The following RTN4 variants were observed in gnomAD, a reference collection of about 807,000 sequenced individuals.
The protein encoded by RTN4 is reticulon-4.
RTN4 carries 32 observed loss-of-function variants against 90.4 expected under a neutral mutation model. The ratio of observed to expected loss-of-function variants is 0.35; its 90% CI spans 0.27 to 0.48. The LOEUF (loss-of-function observed/expected upper bound fraction) is 0.48. Among genes scored for constraint, RTN4 ranks in the 20% least tolerant of loss-of-function variants. The probability of loss-of-function intolerance (pLI) is 0.99; values close to 1 mark genes in which losing one functional copy is unlikely to be tolerated. For synonymous variants in RTN4, 629 were observed against 552.5 expected (o/e 1.14, Z -1.94); for missense variants, 1,706 against 1,430.2 (o/e 1.19, Z -3.11).
At chr2:54,986,119 T>C (rs932535553) in intron 4 of RTN4, among the ~76,000 whole-genome samples, 15 of 152,100 alleles carry the variant, frequency 9.9e-5, no homozygotes, top group Non-Finnish European at 1.8e-4. Context: ...TACAAAACTC[T>C]GGAAGGGGTA....
intron 3 of RTN4, chr2:55,010,061 A>C: frequency 6.2e-7 from 1 of 1,611,108 alleles, no homozygotes; most frequent in South Asian, 1.1e-5. Context: ...ATAAAAACTG[A>C]ATAAGAAATT....
At chr2:55,109,694 G>T (rs1475615552) in intron 1 of RTN4, among the ~76,000 whole-genome samples, 1 of 152,194 alleles carries the variant, frequency 6.6e-6, no homozygotes, top group African/African-American at 2.4e-5. Context: ...TATGTTCCAT[G>T]TTAGGGGTTT....
At chr2:55,091,895 C>T (rs540398028) in intron 1 of RTN4, among the ~76,000 whole-genome samples, 4 of 152,236 alleles carry the variant, frequency 2.6e-5, no homozygotes, top group East Asian at 1.9e-4. Flanking sequence ...CATCAGCTCT[C>T]GTGAGACTTA....
chr2:55,097,699 G>A (rs1025206886), intron 1 of RTN4, among the ~76,000 whole-genome samples: 3 of 152,116 alleles, frequency 2.0e-5, no homozygotes, highest in South Asian at 2.1e-4. Flanking sequence ...AGACGGAATA[G>A]GTTGCTGGGA....
chr2:55,050,576 C>T (rs2241958), upstream of RTN4: 22,082 of 308,570 alleles, frequency 0.072, 1,149 homozygotes, highest in South Asian at 0.19. The surrounding 1 kb of genome is among the most constrained non-coding windows in gnomAD (Gnocchi z 4.6). Flanking sequence ...GTGACTCACC[C>T]TCCCCAGGGG....
At chr2:55,077,754 T>C (rs1668628288) in intron 2 of RTN4, among the ~76,000 whole-genome samples, 1 of 55,130 alleles carries the variant, frequency 1.8e-5, no homozygotes, top group Non-Finnish European at 3.6e-5. Flanking sequence ...GAAAATGTTT[T>C]ATACACACAC....
chr2:55,097,383 T>A (rs1159683924), intron 1 of RTN4, among the ~76,000 whole-genome samples: 1 of 151,970 alleles, frequency 6.6e-6, no homozygotes, highest in Admixed American at 6.6e-5. Flanking sequence ...GCCTGGTAAT[T>A]CTGCATTTGT....
the RTN4 span, among the ~76,000 whole-genome samples, chr2:55,128,136 G>A: frequency 6.6e-6 from 1 of 152,190 alleles, no homozygotes; most frequent in Admixed American, 6.5e-5. Context: ...ATGAGCCACC[G>A]CACTGGGACT....
the RTN4 span, among the ~76,000 whole-genome samples, chr2:55,127,787 C>T: frequency 6.6e-6 from 1 of 152,308 alleles, no homozygotes; most frequent in Non-Finnish European, 1.5e-5. Flanking sequence ...AAAGAACAGA[C>T]ATTCCCCCAG....
rs199845070 is a variant in RTN4, at chr2:54,972,204, C to G, written c.*952G>C. ...CCAAAGCATATTTTAAGTCTATAAG[C>G]TTTATTGATACTTTGCTTTTACAGT... On this transcript the variant is annotated 3_prime_UTR_variant, in exon 9 of 9. Coordinates refer to ENST00000337526, the MANE Select transcript of RTN4 (RefSeq NM_020532.5). 2.6e-5 allele frequency: 4 copies of G among 152,602 alleles called. No individual in the cohort carries two copies. Among genetic ancestry groups the G allele is most frequent in the Admixed American group, 6.6e-5 (1 of 15,234 alleles). The allele number at this position is 152,602 out of a possible 1,614,324, so 9.5% of individuals were successfully genotyped here. A position where few individuals can be genotyped will look rare whatever the true frequency, so the allele number is the denominator to read the frequency against.
chr2:55,091,240 C>T (rs1668930018), intron 1 of RTN4, among the ~76,000 whole-genome samples: 1 of 152,176 alleles, frequency 6.6e-6, no homozygotes, highest in Admixed American at 6.5e-5. Flanking sequence ...CTCTCTGTGG[C>T]CTAGGGGGCC....
At chr2:55,114,149 C>T (rs1419625233), upstream of RTN4, among the ~76,000 whole-genome samples, 1 of 152,210 alleles carries the variant, frequency 6.6e-6, no homozygotes, top group African/African-American at 2.4e-5. Flanking sequence ...TTGGAATCGT[C>T]TGTCTTTACA....
chr2:55,121,355 C>G, the RTN4 span, among the ~76,000 whole-genome samples: 120 of 152,324 alleles, frequency 7.9e-4, no homozygotes, highest in Middle Eastern at 3.4e-3. Context: ...TAACTGACCA[C>G]AAGGAATTGC....
At chr2:55,085,314 C>G (rs1668816748) in intron 1 of RTN4, among the ~76,000 whole-genome samples, 1 of 146,016 alleles carries the variant, frequency 6.8e-6, no homozygotes, top group Non-Finnish European at 1.5e-5. Context: ...TACATATACA[C>G]CCACACACAC....
chr2:54,973,656 C>A, intron 7 of RTN4, 35 bp from the exon 8 acceptor site: 1 of 1,565,612 alleles, frequency 6.4e-7, no homozygotes, highest in South Asian at 1.1e-5. Context: ...ATTACCGTTG[C>A]TAAAGAATCT....
chr2:55,015,248 A>G (rs1275701077), intron 3 of RTN4, among the ~76,000 whole-genome samples: 1 of 152,224 alleles, frequency 6.6e-6, no homozygotes, highest in Non-Finnish European at 1.5e-5. Context: ...GCCTGGCCCT[A>G]GGCAGCTAGA....
At chr2:55,049,059 G>A in intron 1 of RTN4, 6 of 972,378 alleles carry the variant, frequency 6.2e-6, no homozygotes, top group Non-Finnish European at 7.3e-6. Context: ...CCGGGGAGCT[G>A]GGCGGTGGCA....
intron 5 of RTN4, among the ~76,000 whole-genome samples, chr2:54,978,088 C>T (rs1055062946): frequency 1.5e-4 from 23 of 152,230 alleles, no homozygotes; most frequent in Non-Finnish European, 2.5e-4. Flanking sequence ...CTAGCAAGAG[C>T]GGCTCTAAAA....
At chr2:55,053,703 A>G (rs575328692), upstream of RTN4, among the ~76,000 whole-genome samples, 3,577 of 151,834 alleles carry the variant, frequency 0.024, 78 homozygotes, top group South Asian at 0.035. Flanking sequence ...AAACAAAAAA[A>G]AAAAGAAACA....
Sources: gnomAD v4.1 joint callset for allele counts (sites outside exome capture counted in the v4.1 genomes callset) on GRCh38, gnomAD v4.1.1 for gene constraint, Gnocchi (gnomAD v3.1) non-coding constraint, MANE v1.5 for transcripts, NCBI Gene and HGNC (gene_info 2026-07-23, HGNC 2026-07-21) for gene names.